ZFHX3: variants seen among roughly 807,000 people sequenced by gnomAD.
ZFHX3 encodes zinc finger homeobox protein 3.
Under a neutral mutation model 279.1 loss-of-function variants are expected in ZFHX3, and 42 were observed. That is an observed-to-expected ratio of 0.15 (90% CI 0.12 to 0.19). The LOEUF is 0.19. Among genes scored for constraint, ZFHX3 ranks in the 10% least tolerant of loss-of-function variants. The pLI is 1.00. For missense variants in ZFHX3, 4,981 were observed against 4,754.0 expected, an observed-to-expected ratio of 1.05 and a Z score of -1.40; for synonymous variants, 2,293 against 1,957.8, an observed-to-expected ratio of 1.17 and a Z score of -4.52.
chr16:73,285,185 C>T (rs2014563267), intron 4 of ZFHX3, among the ~76,000 whole-genome samples: 1 of 152,126 alleles, frequency 6.6e-6, no homozygotes, highest in Non-Finnish European at 1.5e-5. Flanking sequence ...GTTCTCTTTG[C>T]TAGTTTTGGT....
chr16:73,037,480 G>T (rs893741371), intron 1 of ZFHX3, among the ~76,000 whole-genome samples: 2 of 152,116 alleles, frequency 1.3e-5, no homozygotes, highest in South Asian at 2.1e-4. Flanking sequence ...TGGCCAGCCC[G>T]GCGACAGTTT....
At chr16:73,728,018 C>CCCT (rs774795194) in intron 1 of ZFHX3, among the ~76,000 whole-genome samples, 1 of 80,892 alleles carries the variant, frequency 1.2e-5, no homozygotes, top group African/African-American at 4.0e-5. Flanking sequence ...GAATTGTGCC[C>CCCT]CCCCCCCGCC....
At chr16:73,058,234 C>G (rs1008503415) in intron 1 of ZFHX3, among the ~76,000 whole-genome samples, 1 of 143,502 alleles carries the variant, frequency 7.0e-6, no homozygotes, top group African/African-American at 2.5e-5. Context: ...GGGGGCGGCC[C>G]GGGCTCGGCG....
chr16:73,835,330 A>G (rs1407519102), intron 1 of ZFHX3, among the ~76,000 whole-genome samples: 2 of 151,526 alleles, frequency 1.3e-5, no homozygotes, highest in Non-Finnish European at 2.9e-5. Flanking sequence ...AAGAGTTGAT[A>G]CCCTCCAGGT....
At chr16:72,875,895 A>G (rs1410975268) in intron 4 of ZFHX3, among the ~76,000 whole-genome samples, 1 of 152,188 alleles carries the variant, frequency 6.6e-6, no homozygotes, top group Non-Finnish European at 1.5e-5. Flanking sequence ...GCCCTGGAAG[A>G]GAGGGGAGGC....
chr16:72,869,394 T>G (rs2038099287), intron 4 of ZFHX3, among the ~76,000 whole-genome samples: 1 of 152,052 alleles, frequency 6.6e-6, no homozygotes, highest in African/African-American at 2.4e-5. Context: ...TTTTTTTTCT[T>G]AAATAAAAGA....
intron 3 of ZFHX3, among the ~76,000 whole-genome samples, chr16:72,909,128 T>C (rs1156860625): frequency 6.6e-6 from 1 of 152,208 alleles, no homozygotes; most frequent in Non-Finnish European, 1.5e-5. Flanking sequence ...TGACAACAAT[T>C]GCATGAAAAG....
intron 5 of ZFHX3, among the ~76,000 whole-genome samples, chr16:73,245,744 A>G (rs1007585536): frequency 6.6e-6 from 1 of 152,134 alleles, no homozygotes; most frequent in South Asian, 2.1e-4. Context: ...AGCCCCTAGT[A>G]CTGATCTAGG....
At chr16:73,395,279 C>G (rs4620990) in intron 3 of ZFHX3, among the ~76,000 whole-genome samples, 11,920 of 152,234 alleles carry the variant, frequency 0.078, 553 homozygotes, top group Middle Eastern at 0.14. Flanking sequence ...GCCTGGCCAA[C>G]ATGGAGAAAC....
intron 5 of ZFHX3, among the ~76,000 whole-genome samples, chr16:72,826,910 C>A (rs2036946825): frequency 6.6e-6 from 1 of 152,194 alleles, no homozygotes; most frequent in African/African-American, 2.4e-5. Flanking sequence ...AGCATGTCCA[C>A]TAGTGCTGTG....
intron 3 of ZFHX3, among the ~76,000 whole-genome samples, chr16:72,920,989 T>C (rs112822448): frequency 0.082 from 12,040 of 146,130 alleles, 830 homozygotes; most frequent in South Asian, 0.24. Context: ...GGAGGATCAC[T>C]TGGGCCCAGG....
At chr16:72,877,317 G>A (rs2038338527) in intron 4 of ZFHX3, among the ~76,000 whole-genome samples, 1 of 152,110 alleles carries the variant, frequency 6.6e-6, no homozygotes, top group Non-Finnish European at 1.5e-5. Flanking sequence ...CAGCGCTGGG[G>A]CCACCAAGAG....
chr16:73,616,211 T>C (rs1469353523), intron 2 of ZFHX3, among the ~76,000 whole-genome samples: 3 of 151,434 alleles, frequency 2.0e-5, no homozygotes, highest in African/African-American at 4.9e-5. Context: ...TCAGAGAAGA[T>C]CTATTTCTTT....
intron 3 of ZFHX3, among the ~76,000 whole-genome samples, chr16:72,893,341 A>G (rs1000768545): frequency 6.6e-6 from 1 of 152,240 alleles, no homozygotes; most frequent in Non-Finnish European, 1.5e-5. Flanking sequence ...CTGAATTTCA[A>G]ACATCAAATT....
intron 7 of ZFHX3, chr16:72,806,990 T>C (rs910208738): frequency 1.3e-5 from 2 of 152,204 alleles, no homozygotes; most frequent in African/African-American, 4.8e-5. Context: ...TCCTGTCACT[T>C]AGAAAGATAG....
chr16:73,820,734 G>C (rs1960715765), intron 1 of ZFHX3, among the ~76,000 whole-genome samples: 1 of 151,862 alleles, frequency 6.6e-6, no homozygotes, highest in African/African-American at 2.4e-5. Flanking sequence ...TGGGTAGTTT[G>C]TTATACAGCA....
intron 2 of ZFHX3, among the ~76,000 whole-genome samples, chr16:73,675,069 G>C (rs778048594): frequency 3.3e-5 from 5 of 152,060 alleles, no homozygotes; most frequent in Non-Finnish European, 7.4e-5. Context: ...GGAAGCTTTG[G>C]GTCTGAGCTC....
At chr16:72,820,874 C>A (rs1375110333) in intron 5 of ZFHX3, among the ~76,000 whole-genome samples, 2 of 152,008 alleles carry the variant, frequency 1.3e-5, no homozygotes, top group South Asian at 2.1e-4. Flanking sequence ...CAGTCGCATG[C>A]GAGTCATTCT....
chr16:72,957,578 G>T lies in ZFHX3; in HGVS notation c.2568C>A (p.Pro856=). The T allele has an allele frequency of 1.2e-6, 2 of 1,613,868 alleles. No individual in the cohort carries two copies. The highest frequency in any genetic ancestry group is 1.7e-6 in the Non-Finnish European group (2 of 1,179,970). The change falls in exon 2 of 10, where the codon CCC becomes CCA. Residue 856 remains proline, a synonymous_variant. Transcript: ENST00000268489. ...RHLGLGSLPS[P]AEAELYQYYL... Reference sequence around the variant, plus strand: ...AGTATTGGTAGAGCTCGGCCTCGGCGGGTGAGGGCAGGCTGCCGAGGCCCA... The same window carrying T: ...AGTATTGGTAGAGCTCGGCCTCGGCTGGTGAGGGCAGGCTGCCGAGGCCCA...
Sources: gnomAD v4.1 joint callset for allele counts (sites outside exome capture counted in the v4.1 genomes callset) on GRCh38, gnomAD v4.1.1 for gene constraint, MANE v1.5 for transcripts, NCBI Gene and HGNC (gene_info 2026-07-23, HGNC 2026-07-21) for gene names.